The following ZBTB20 variants were observed in gnomAD, a reference collection of about 807,000 sequenced individuals.
ZBTB20 encodes the protein zinc finger and BTB domain-containing protein 20.
In ZBTB20, 9 loss-of-function variants were observed where a neutral mutation model predicts 56.9. The observed-to-expected ratio is 0.16, with a 90% CI of 0.10 to 0.28. The LOEUF (loss-of-function observed/expected upper bound fraction) is 0.28, where lower values mean the gene tolerates loss of function less well. ZBTB20 is among the 10% of genes least tolerant of loss of function. The probability of loss-of-function intolerance (pLI) is 1.00; values close to 1 mark genes in which losing one functional copy is unlikely to be tolerated. For missense variants in ZBTB20, 655 were observed against 1,003.0 expected, an observed-to-expected ratio of 0.65 and a Z score of 4.69; for synonymous variants, 417 against 420.7, an observed-to-expected ratio of 0.99 and a Z score of 0.11.
At chr3:114,356,290 G>C (rs1184630676) in intron 10 of ZBTB20, 1 of 152,172 alleles carries the variant, frequency 6.6e-6, no homozygotes, top group Admixed American at 6.5e-5. Flanking sequence ...CAGGGGTCCA[G>C]GGATAGGACT....
chr3:115,056,854 A>G (rs1404275169), intron 2 of ZBTB20, among the ~76,000 whole-genome samples: 1 of 152,136 alleles, frequency 6.6e-6, no homozygotes, highest in Non-Finnish European at 1.5e-5. Flanking sequence ...AAGAAGTAGA[A>G]TAAGGAATAA....
At chr3:114,794,704 T>A (rs1324570215) in intron 5 of ZBTB20, among the ~76,000 whole-genome samples, 1 of 152,056 alleles carries the variant, frequency 6.6e-6, no homozygotes, top group African/African-American at 2.4e-5. Context: ...ATAATTTCCA[T>A]CACTTTGCAA....
At chr3:115,094,071 C>T (rs2083293460) in intron 1 of ZBTB20, among the ~76,000 whole-genome samples, 1 of 152,086 alleles carries the variant, frequency 6.6e-6, no homozygotes, top group Admixed American at 6.6e-5. Context: ...CTCAACTTCT[C>T]TCTACTTGTT....
At chr3:115,112,731 C>T (rs1410981050) in intron 1 of ZBTB20, among the ~76,000 whole-genome samples, 3 of 152,138 alleles carry the variant, frequency 2.0e-5, no homozygotes, top group Non-Finnish European at 4.4e-5. Context: ...AATTTCATAT[C>T]TTTGCTACTA....
At chr3:114,882,925 T>C (rs1335209875) in intron 4 of ZBTB20, among the ~76,000 whole-genome samples, 2 of 152,158 alleles carry the variant, frequency 1.3e-5, no homozygotes, top group Non-Finnish European at 2.9e-5. Context: ...TAATGGTAAA[T>C]GGTGAAAGGT....
At chr3:114,681,183 G>A (rs60604991) in intron 6 of ZBTB20, among the ~76,000 whole-genome samples, 1,565 of 144,836 alleles carry the variant, frequency 0.011, 25 homozygotes, top group African/African-American at 0.037. Context: ...TTTTTGAGAC[G>A]GAGTCTCACT....
rs185903498 is a variant in ZBTB20 at position 114,946,697 on chromosome 3, T to G, written c.-456+27669A>C. On this transcript the variant is annotated intron_variant, in intron 3 of 11. Coordinates refer to ENST00000675478, the MANE Select transcript of ZBTB20 (RefSeq NM_001348800.3). ...GGAAATCCTTCATAGTACTACGTCT[T>G]TTAAAAGACATGAATATTTGATTTG... 4.4e-3 allele frequency among the ~76,000 whole-genome samples: 638 copies of G among 145,644 alleles called. 20 individuals carry two copies. Among genetic ancestry groups the G allele is most frequent in the Non-Finnish European group, 7.7e-3 (522 of 67,558 alleles).
intron 6 of ZBTB20, among the ~76,000 whole-genome samples, chr3:114,557,539 A>C (rs2051400314): frequency 6.6e-6 from 1 of 151,990 alleles, no homozygotes; most frequent in Non-Finnish European, 1.5e-5. Flanking sequence ...TTTTCCTGGA[A>C]ATATAATTTG....
At chr3:114,411,963 T>C (rs2088005689) in intron 7 of ZBTB20, among the ~76,000 whole-genome samples, 1 of 152,150 alleles carries the variant, frequency 6.6e-6, no homozygotes. Context: ...GTGTTATTAG[T>C]ATTCGGGGTA....
chr3:114,963,252 A>C (rs1353027555), intron 3 of ZBTB20, among the ~76,000 whole-genome samples: 1 of 152,110 alleles, frequency 6.6e-6, no homozygotes, highest in Non-Finnish European at 1.5e-5. Context: ...GTAACAGTTT[A>C]CAGTCAATAT....
At chr3:114,519,183 A>T (rs1380447473) in intron 6 of ZBTB20, 1 of 152,212 alleles carries the variant, frequency 6.6e-6, no homozygotes, top group African/African-American at 2.4e-5. Flanking sequence ...CTGGGTCAAC[A>T]ATGCAATTGC....
chr3:114,890,097 C>G (rs2076749611), intron 4 of ZBTB20, among the ~76,000 whole-genome samples: 1 of 152,020 alleles, frequency 6.6e-6, no homozygotes, highest in South Asian at 2.1e-4. Flanking sequence ...ATTTCTAAAC[C>G]CTGTACTCTT....
chr3:115,077,972 C>A (rs914943219), intron 1 of ZBTB20, among the ~76,000 whole-genome samples: 1 of 152,172 alleles, frequency 6.6e-6, no homozygotes, highest in South Asian at 2.1e-4. Flanking sequence ...ATCATTTAAT[C>A]CTCAGGACAA....
intron 10 of ZBTB20, among the ~76,000 whole-genome samples, chr3:114,360,140 A>C (rs1289753523): frequency 1.3e-5 from 2 of 151,584 alleles, no homozygotes; most frequent in Non-Finnish European, 2.9e-5. Flanking sequence ...AAAAAATATC[A>C]TTGAGTTCCC....
intron 6 of ZBTB20, among the ~76,000 whole-genome samples, chr3:114,629,950 C>G (rs1337652688): frequency 1.3e-5 from 2 of 152,018 alleles, no homozygotes; most frequent in Non-Finnish European, 2.9e-5. Flanking sequence ...GAGCTGAAGA[C>G]TAGTTTGGGC....
intron 4 of ZBTB20, among the ~76,000 whole-genome samples, chr3:114,845,521 G>A (rs749501108): frequency 5.9e-5 from 9 of 151,408 alleles, no homozygotes; most frequent in African/African-American, 2.2e-4. Flanking sequence ...CACCTCGCCC[G>A]TGACTCAAGT....
chr3:114,772,839 A>G (rs75328131), intron 5 of ZBTB20, among the ~76,000 whole-genome samples: 5,210 of 152,238 alleles, frequency 0.034, 142 homozygotes, highest in African/African-American at 0.07. Flanking sequence ...ATGTTACATG[A>G]AAAAGCGACT....
chr3:114,861,756 C>T (rs1282465641), intron 4 of ZBTB20: 1 of 152,010 alleles, frequency 6.6e-6, no homozygotes, highest in African/African-American at 2.4e-5. Context: ...CCAAAACTCT[C>T]CTTACTCTTG....
At chr3:114,387,231 A>C (rs1382777626) in intron 8 of ZBTB20, 1 of 152,194 alleles carries the variant, frequency 6.6e-6, no homozygotes, top group Non-Finnish European at 1.5e-5. Flanking sequence ...CTAGGCCCGA[A>C]GCATTGTCAA....
Sources: gnomAD v4.1 joint callset for allele counts (sites outside exome capture counted in the v4.1 genomes callset) on GRCh38, gnomAD v4.1.1 for gene constraint, MANE v1.5 for transcripts, NCBI Gene and HGNC (gene_info 2026-07-23, HGNC 2026-07-21) for gene names.